The following COLEC12 variants were observed in gnomAD, a reference collection of about 807,000 sequenced individuals.
The protein encoded by COLEC12 is collectin subfamily member 12, also known as collectin-12.
A neutral mutation model predicts 71.1 loss-of-function variants in COLEC12; 33 were observed. The observed-to-expected ratio is 0.46, with a 90% confidence interval of 0.35 to 0.62. The LOEUF (loss-of-function observed/expected upper bound fraction) is 0.62. Among genes scored for constraint, COLEC12 ranks in the 20% least tolerant of loss-of-function variants. The probability of loss-of-function intolerance (pLI) is 0.00; values close to 1 mark genes in which losing one functional copy is unlikely to be tolerated. For synonymous variants in COLEC12, 350 were observed against 353.0 expected (o/e 0.99, Z 0.10); for missense variants, 765 against 916.1 (o/e 0.84, Z 2.13).
intron 3 of COLEC12, among the ~76,000 whole-genome samples, chr18:349,810 T>C (rs1914468791): frequency 6.6e-6 from 1 of 152,222 alleles, no homozygotes; most frequent in Non-Finnish European, 1.5e-5. Flanking sequence ...CCTGCTGACT[T>C]TGAACTTGCA....
intron 2 of COLEC12, among the ~76,000 whole-genome samples, chr18:390,125 T>C (rs1421463680): frequency 6.6e-6 from 1 of 152,174 alleles, no homozygotes; most frequent in Non-Finnish European, 1.5e-5. Context: ...ACCGAGGCAG[T>C]TCCCAGGACC....
At chr18:418,868 C>T (rs545660721) in intron 2 of COLEC12, among the ~76,000 whole-genome samples, 17 of 152,340 alleles carry the variant, frequency 1.1e-4, no homozygotes, top group Admixed American at 3.3e-4. Context: ...TCTTTCATTC[C>T]TTTACTTTCT....
chr18:426,807 C>G (rs560295749), intron 2 of COLEC12, among the ~76,000 whole-genome samples: 81 of 152,290 alleles, frequency 5.3e-4, no homozygotes, highest in African/African-American at 1.8e-3. Flanking sequence ...ACTCTTGTAG[C>G]CATTTTAGAG....
chr18:334,714 C>G (rs575103920), intron 6 of COLEC12, 28 bp downstream of exon 6: 6 of 1,454,094 alleles, frequency 4.1e-6, no homozygotes, highest in Non-Finnish European at 5.4e-6. Flanking sequence ...GCCCTGTCCC[C>G]CTGGCTGGAG....
At chr18:441,364 A>G (rs1296749582) in intron 2 of COLEC12, among the ~76,000 whole-genome samples, 6 of 152,188 alleles carry the variant, frequency 3.9e-5, no homozygotes, top group Admixed American at 1.3e-4. Flanking sequence ...TATAAGGACC[A>G]TCTTTGGAAA....
intron 2 of COLEC12, among the ~76,000 whole-genome samples, chr18:423,169 T>A (rs1056251142): frequency 6.6e-6 from 1 of 152,036 alleles, no homozygotes; most frequent in Non-Finnish European, 1.5e-5. Flanking sequence ...CTTGGGAAGA[T>A]GAGGTGGGAG....
In COLEC12 at chr18:420,828, G is replaced by C. The variant is rs974170830; in HGVS notation, c.58+59879C>G. 2.0e-5 allele frequency among the ~76,000 whole-genome samples: 3 copies of C among 152,048 alleles called. 1 individual carries two copies. Among genetic ancestry groups the C allele is most frequent in the African/African-American group, 7.2e-5 (3 of 41,390 alleles). On this transcript the variant is annotated intron_variant, in intron 2 of 9. Transcript: ENST00000400256. Reference sequence around the variant, plus strand: ...TAGGTAATTCTCAAAGATAGCCAAGGGCCCAGAAAGGAGCATGCCTTTGTT... The same window carrying C: ...TAGGTAATTCTCAAAGATAGCCAAGCGCCCAGAAAGGAGCATGCCTTTGTT...
At chr18:456,558 T>G (rs1916875796) in intron 2 of COLEC12, among the ~76,000 whole-genome samples, 1 of 152,196 alleles carries the variant, frequency 6.6e-6, no homozygotes, top group Non-Finnish European at 1.5e-5. Flanking sequence ...TTCACCACAC[T>G]TCACTAGAGC....
chr18:499,831 G>T lies in COLEC12; in HGVS notation c.7+677C>A, dbSNP rs961721774. The stretch of plus-strand genomic sequence containing the variant: ...GGCCTGCAGAGGACACCGCGCAGGG[G>T]GCGACTAACCAGCTGAGGTGTGTCA... On this transcript the variant is annotated intron_variant, in intron 1 of 9. Coordinates refer to ENST00000400256, the MANE Select transcript of COLEC12 (RefSeq NM_130386.3). 9.8e-5 allele frequency among the ~76,000 whole-genome samples: 15 copies of T among 152,288 alleles called. No homozygotes were observed. The East Asian group carries it at 2.9e-3, about 29-fold the overall frequency.
chr18:497,115 A>AT (rs1361668505), intron 1 of COLEC12, among the ~76,000 whole-genome samples: 1 of 152,182 alleles, frequency 6.6e-6, no homozygotes, highest in Non-Finnish European at 1.5e-5. Context: ...TGATGTCATT[A>AT]TTTTGGTACT....
At position 476,533 on chromosome 18, in the gene COLEC12, A is replaced by G. The variant is rs1917308011; in HGVS notation, c.58+4174T>C. ...TCATACCGGATCAGATTCCAAAAAT[A>G]ACAGAAGAGAACCCATTGCGACCAA... On this transcript the variant is annotated intron_variant, in intron 2 of 9. Transcript: ENST00000400256. 2.0e-5 allele frequency among the ~76,000 whole-genome samples: 3 copies of G among 152,342 alleles called. No individual in the cohort carries two copies. The South Asian group carries it at 6.2e-4, about 32-fold the overall frequency.
chr18:443,527 G>A (rs184341347), intron 2 of COLEC12, among the ~76,000 whole-genome samples: 2 of 152,292 alleles, frequency 1.3e-5, no homozygotes, highest in African/African-American at 2.4e-5. Flanking sequence ...AGGTTTTCAT[G>A]GGAACATGTG....
intron 2 of COLEC12, among the ~76,000 whole-genome samples, chr18:388,965 A>C (rs1465274900): frequency 2.0e-5 from 3 of 151,002 alleles, no homozygotes; most frequent in Non-Finnish European, 4.4e-5. Context: ...CTATAACAAC[A>C]CTCCCTCTCC....
chr18:461,359 G>A (rs527252008), intron 2 of COLEC12, among the ~76,000 whole-genome samples: 81 of 152,194 alleles, frequency 5.3e-4, no homozygotes, highest in Middle Eastern at 6.8e-3. Flanking sequence ...ATTATTATGA[G>A]AGGTTTTCTT....
At chr18:474,054 C>A (rs1917256172) in intron 2 of COLEC12, among the ~76,000 whole-genome samples, 1 of 152,172 alleles carries the variant, frequency 6.6e-6, no homozygotes, top group Non-Finnish European at 1.5e-5. Flanking sequence ...AAATATAAGA[C>A]CATATCAACA....
At chr18:451,855 AT>A (rs1364279981) in intron 2 of COLEC12, among the ~76,000 whole-genome samples, 2 of 152,342 alleles carry the variant, frequency 1.3e-5, no homozygotes, top group East Asian at 1.9e-4. Flanking sequence ...AGAAAAGACC[AT>A]TTCCAGGGGG....
chr18:457,399 T>TG (rs1256276850), intron 2 of COLEC12, among the ~76,000 whole-genome samples: 4 of 152,206 alleles, frequency 2.6e-5, no homozygotes, highest in Non-Finnish European at 5.9e-5. Context: ...TGGGGAGCTC[T>TG]GCTGATTTCT....
At chr18:387,704 T>C (rs1056940492) in intron 2 of COLEC12, among the ~76,000 whole-genome samples, 1 of 152,206 alleles carries the variant, frequency 6.6e-6, no homozygotes, top group South Asian at 2.1e-4. Context: ...ATATGTACGC[T>C]AGGAAAATTT....
chr18:380,461 A>C (rs972195901), intron 2 of COLEC12, among the ~76,000 whole-genome samples: 1 of 143,450 alleles, frequency 7.0e-6, no homozygotes, highest in Non-Finnish European at 1.5e-5. Flanking sequence ...GCTAATCATC[A>C]GTCATTGTAA....
Sources: allele counts gnomAD v4.1 joint callset (sites outside exome capture counted in the v4.1 genomes callset), GRCh38; gene constraint gnomAD v4.1.1; transcripts MANE v1.5; gene names NCBI Gene and HGNC (gene_info 2026-07-23, HGNC 2026-07-21).